LRRC37A2: variants seen among roughly 807,000 people sequenced by gnomAD.
LRRC37A2 encodes the protein leucine rich repeat containing 37 member A2, also known as leucine-rich repeat-containing protein 37A2.
Under a neutral mutation model 68.8 loss-of-function variants are expected in LRRC37A2, and 9 were observed. The ratio of observed to expected loss-of-function variants is 0.13; its 90% CI spans 0.08 to 0.23. LRRC37A2 has a LOEUF of 0.23. LRRC37A2 is among the 10% of genes least tolerant of loss of function. The pLI is 1.00. For missense variants in LRRC37A2, 168 were observed against 950.4 expected (o/e 0.18, Z 10.82); for synonymous variants, 63 against 367.6 (o/e 0.17, Z 9.48).
chr17:46,804,234 C>CGT, the LRRC37A2 span, among the ~76,000 whole-genome samples: 1 of 152,136 alleles, frequency 6.6e-6, no homozygotes, highest in Non-Finnish European at 1.5e-5. Context: ...ACTACAGGTG[C>CGT]GTGCCACCAC....
chr17:46,762,401 C>G, the LRRC37A2 span: 1 of 152,056 alleles, frequency 6.6e-6, no homozygotes, highest in African/African-American at 2.4e-5. Flanking sequence ...AGGAAATAAC[C>G]TTCACTTGGT....
At chr17:46,774,081 G>A in the LRRC37A2 span, among the ~76,000 whole-genome samples, 1 of 152,244 alleles carries the variant, frequency 6.6e-6, no homozygotes, top group Non-Finnish European at 1.5e-5. Context: ...TCAAAGCGCA[G>A]AGCTCTGACC....
the LRRC37A2 span, among the ~76,000 whole-genome samples, chr17:46,784,310 G>T: frequency 6.6e-6 from 1 of 152,182 alleles, no homozygotes; most frequent in South Asian, 2.1e-4. Context: ...GGAACAAGAC[G>T]AGGAAGTGCG....
the LRRC37A2 span, chr17:46,979,136 G>C: frequency 1.9e-6 from 2 of 1,036,678 alleles, no homozygotes; most frequent in South Asian, 3.2e-5. Context: ...GGACGAAGGC[G>C]GGAGGCTGGC....
the LRRC37A2 span, chr17:46,998,870 A>G: frequency 6.6e-6 from 1 of 152,182 alleles, no homozygotes; most frequent in East Asian, 1.9e-4. Flanking sequence ...TGGCCCCTCA[A>G]TTCCTTGTTG....
the LRRC37A2 span, among the ~76,000 whole-genome samples, chr17:47,022,886 A>T: frequency 2.1e-4 from 32 of 152,388 alleles, no homozygotes; most frequent in Middle Eastern, 3.4e-3. Flanking sequence ...ATCCCTGTAC[A>T]TGCTTCTTTG....
the LRRC37A2 span, chr17:46,936,319 G>T: frequency 6.1e-6 from 6 of 985,366 alleles, no homozygotes; most frequent in Non-Finnish European, 7.2e-6. Context: ...GAGCCAGTGG[G>T]GGTTAGAGCG....
chr17:46,938,601 G>T, the LRRC37A2 span: 3 of 1,613,922 alleles, frequency 1.9e-6, no homozygotes, highest in Non-Finnish European at 2.5e-6. Context: ...TGCCCCAGGG[G>T]ACTCAGAAGA....
At chr17:46,804,476 G>T in the LRRC37A2 span, among the ~76,000 whole-genome samples, 1 of 152,204 alleles carries the variant, frequency 6.6e-6, no homozygotes, top group South Asian at 2.1e-4. Context: ...CTGCCCTATG[G>T]GGAAGGGAAG....
intron 8 of LRRC37A2, among the ~76,000 whole-genome samples, chr17:46,541,942 G>C (rs1402063038): frequency 7.0e-6 from 1 of 142,716 alleles, no homozygotes; most frequent in Non-Finnish European, 1.5e-5. Context: ...TATTCCGGTT[G>C]TGTGGAAATG....
chr17:46,811,099 C>T, the LRRC37A2 span, among the ~76,000 whole-genome samples: 3 of 152,146 alleles, frequency 2.0e-5, no homozygotes, highest in Non-Finnish European at 4.4e-5. Context: ...CAACTCCTCC[C>T]GGCTGTACAG....
the LRRC37A2 span, among the ~76,000 whole-genome samples, chr17:46,866,542 A>G: frequency 3.3e-3 from 495 of 152,104 alleles, 3 homozygotes; most frequent in African/African-American, 0.011. Context: ...TTGAGATGAA[A>G]GCACAAAGGG....
the LRRC37A2 span, among the ~76,000 whole-genome samples, chr17:46,960,693 C>T: frequency 0.015 from 2,247 of 152,184 alleles, 57 homozygotes; most frequent in African/African-American, 0.051. Flanking sequence ...GAAAAAGGAA[C>T]GAACTACTGA....
At chr17:46,768,012 T>C in the LRRC37A2 span, among the ~76,000 whole-genome samples, 1 of 152,168 alleles carries the variant, frequency 6.6e-6, no homozygotes, top group Admixed American at 6.5e-5. The surrounding 1 kb of genome is among the most constrained non-coding windows in gnomAD (Gnocchi z 5.0). Flanking sequence ...GGTCTCGAAC[T>C]CCTGACCTCA....
chr17:46,875,057 T>G, the LRRC37A2 span: 1 of 1,613,246 alleles, frequency 6.2e-7, no homozygotes, highest in Non-Finnish European at 8.5e-7. Flanking sequence ...CTTTCCTCTC[T>G]TCCCCCTTTC....
the LRRC37A2 span, chr17:46,923,525 C>T: frequency 2.0e-4 from 272 of 1,350,274 alleles, no homozygotes; most frequent in Non-Finnish European, 2.5e-4. Context: ...AAACTTTGTC[C>T]AGCACTTGTC....
At chr17:46,856,633 GC>G in the LRRC37A2 span, among the ~76,000 whole-genome samples, 3 of 151,802 alleles carry the variant, frequency 2.0e-5, no homozygotes, top group Non-Finnish European at 2.9e-5. Flanking sequence ...ACAAGTGTGC[GC>G]CACCATGCCC....
chr17:46,838,228 A>G, the LRRC37A2 span, among the ~76,000 whole-genome samples: 9 of 151,998 alleles, frequency 5.9e-5, no homozygotes, highest in African/African-American at 2.2e-4. Flanking sequence ...AAACAGGATC[A>G]CATAATTGGT....
At chr17:46,768,822 G>A in the LRRC37A2 span, 1 of 1,610,008 alleles carries the variant, frequency 6.2e-7, no homozygotes. The surrounding 1 kb of genome is among the most constrained non-coding windows in gnomAD (Gnocchi z 5.0). Context: ...AGTGGCAGCT[G>A]GCCAACAGAC....
Sources: allele counts gnomAD v4.1 joint callset (sites outside exome capture counted in the v4.1 genomes callset), GRCh38; gene constraint gnomAD v4.1.1; non-coding constraint Gnocchi (gnomAD v3.1); transcripts MANE v1.5; gene names NCBI Gene and HGNC (gene_info 2026-07-23, HGNC 2026-07-21).